The following ADCYAP1R1 variants were observed in gnomAD, a reference collection of about 807,000 sequenced individuals.
ADCYAP1R1 encodes pituitary adenylate cyclase-activating polypeptide type I receptor.
In ADCYAP1R1, 44 loss-of-function variants were observed where a neutral mutation model predicts 67.6. That is an observed-to-expected ratio of 0.65 (90% confidence interval 0.51 to 0.84). ADCYAP1R1 has a LOEUF of 0.84. Among genes scored for constraint, ADCYAP1R1 ranks in the 40% least tolerant of loss-of-function variants. The probability of loss-of-function intolerance (pLI) is 0.00; values close to 1 mark genes in which losing one functional copy is unlikely to be tolerated. For synonymous variants in ADCYAP1R1, 222 were observed against 219.6 expected, an observed-to-expected ratio of 1.01 and a Z score of -0.10; for missense variants, 477 against 587.9, an observed-to-expected ratio of 0.81 and a Z score of 1.95.
rs552840538 is a variant in ADCYAP1R1, at chr7:31,104,775, T to C, written c.1177-93T>C. The C allele has an allele frequency of 8.5e-6, 12 of 1,419,908 alleles. No homozygotes were observed. The South Asian group carries it at 1.2e-4, about 14-fold the overall frequency. The allele number at this position is 1,419,908 out of a possible 1,614,324, so 88.0% of individuals were successfully genotyped here. A position where few individuals can be genotyped will look rare whatever the true frequency, so the allele number is the denominator to read the frequency against. ...GTGCCCCCATCCAGGTCATGGTGTA[T>C]TTCTGCTTCCTAGAGTCATCCCCTC... On this transcript the variant is annotated intron_variant, in intron 14 of 15. Transcript: ENST00000304166.
intron 1 of ADCYAP1R1, among the ~76,000 whole-genome samples, chr7:31,057,781 G>A (rs964077254): frequency 7.9e-5 from 12 of 152,198 alleles, no homozygotes; most frequent in African/African-American, 2.7e-4. Flanking sequence ...AGGAGGGAGA[G>A]GAGGAAGTAG....
At position 31,109,762 on chromosome 7, in the gene ADCYAP1R1, G is replaced by C. The variant is rs1266975827; in HGVS notation, c.*3078G>C. ...GGAGGAAATGGGATTCCAAGTCAAG[G>C]ATGCTGAGGCTGTCAGGGAGCCAGA... On this transcript the variant is annotated 3_prime_UTR_variant, in exon 16 of 16. Transcript: ENST00000304166. 1.3e-5 allele frequency: 2 copies of C among 152,500 alleles called. No homozygotes were observed. Among genetic ancestry groups the C allele is most frequent in the Non-Finnish European group, 2.9e-5 (2 of 68,118 alleles). 9.4% of individuals were successfully genotyped at this position (152,500 alleles called of 1,614,324 possible).
chr7:31,059,155 A>T (rs955975051), intron 1 of ADCYAP1R1, among the ~76,000 whole-genome samples: 10 of 152,120 alleles, frequency 6.6e-5, no homozygotes, highest in Non-Finnish European at 1.2e-4. Flanking sequence ...CAAAGTGGTG[A>T]GATAATAATA....
chr7:31,083,025 C>T (rs1001412271), intron 6 of ADCYAP1R1, among the ~76,000 whole-genome samples: 1 of 152,272 alleles, frequency 6.6e-6, no homozygotes, highest in Non-Finnish European at 1.5e-5. Flanking sequence ...CCTGAGCTCC[C>T]TGGAGGTGGC....
chr7:31,059,853 C>T lies in ADCYAP1R1; in HGVS notation c.-71-3341C>T, dbSNP rs60722464. On this transcript the variant is annotated intron_variant, in intron 1 of 15. Transcript: ENST00000304166. ...GGGAGGTGATCCCTGAGGTCCCCAG[C>T]GGAGTCGAGGCCTGGGAGCTCCCAG... 4.0e-5 allele frequency among the ~76,000 whole-genome samples: 6 copies of T among 150,858 alleles called. No homozygotes were observed. The East Asian group carries it at 7.8e-4, about 20-fold the overall frequency.
chr7:31,086,857 T>A lies in ADCYAP1R1; in HGVS notation c.824-86T>A. 7.2e-7 allele frequency: 1 copy of A among 1,393,828 alleles called. No homozygotes were observed. The highest frequency in any genetic ancestry group is 1.0e-6 in the Non-Finnish European group (1 of 981,232). The allele number at this position is 1,393,828 out of a possible 1,614,324, so 86.3% of individuals were successfully genotyped here. A position where few individuals can be genotyped will look rare whatever the true frequency, so the allele number is the denominator to read the frequency against. The stretch of plus-strand genomic sequence containing the variant: ...AATTCCAAGTCTCATGGGGGAGCAA[T>A]AGCCTCTCGGAGCCCCAGGTCTACG... On this transcript the variant is annotated intron_variant, in intron 10 of 15. Coordinates refer to ENST00000304166, the MANE Select transcript of ADCYAP1R1 (RefSeq NM_001118.5). This position sits in a 1 kb window ranked among gnomAD's most constrained non-coding sequence, Gnocchi z 5.0.
In ADCYAP1R1 at chr7:31,079,000, G is replaced by A. The variant is rs559466987; in HGVS notation, c.265+902G>A. On this transcript the variant is annotated intron_variant, in intron 4 of 15. Coordinates refer to ENST00000304166, the MANE Select transcript of ADCYAP1R1 (RefSeq NM_001118.5). The stretch of plus-strand genomic sequence containing the variant: ...GGAGATATCCAGGGGCCACCAAAAC[G>A]ATAGAGCAGCCCGTGAGTGGGCAGA... Among the ~76,000 whole-genome samples the A allele has an allele frequency of 3.9e-5, 6 of 152,322 alleles. No homozygotes were observed. The East Asian group carries it at 9.6e-4, about 24-fold the overall frequency.
intron 4 of ADCYAP1R1, 143 bp downstream of exon 4, chr7:31,078,241 A>G (rs1795361396): frequency 1.6e-6 from 1 of 612,030 alleles, no homozygotes; most frequent in Non-Finnish European, 2.8e-6. Context: ...GGGGGATGAA[A>G]CCACAGACAC....
At chr7:31,092,605 G>T (rs2128634085) in intron 12 of ADCYAP1R1, 39 bp from the exon 13 acceptor site, 1 of 1,537,464 alleles carries the variant, frequency 6.5e-7, no homozygotes, top group Non-Finnish European at 8.9e-7. Context: ...TCTTTGCCCA[G>T]AATCATGTCC....
In ADCYAP1R1 at chr7:31,085,349, G is replaced by A. The variant is rs1408247589; in HGVS notation, c.576G>A (p.Leu192=). The A allele has an allele frequency of 8.1e-6, 13 of 1,613,956 alleles. No individual in the cohort carries two copies. Among genetic ancestry groups the A allele is most frequent in the African/African-American group, 2.7e-5 (2 of 74,944 alleles). Residue 192 remains leucine (L), a synonymous_variant, in exon 9 of 16, where the codon CTG becomes CTA. Transcript: ENST00000304166. ...HCTRNFIHMN[L]FVSFMLRAIS... ...CACGCAACTTCATCCACATGAACCT[G>A]TTTGTGTCGTTCATGCTGAGGGCGA...
Position 31,052,915 on chromosome 7 carries a change from C to A in ADCYAP1R1, c.-72+237C>A, listed in dbSNP as rs993599366. ...GCGCGTCAGGCTGACACCCCCCAAC[C>A]CAAGTGTCTGGCGCTGCGCTCGGGG... On this transcript the variant is annotated intron_variant, in intron 1 of 15. Coordinates refer to ENST00000304166, the MANE Select transcript of ADCYAP1R1 (RefSeq NM_001118.5). Among the ~76,000 whole-genome samples, 153 of 152,166 alleles carry A rather than the reference C, an allele frequency of 1.0e-3. 4 individuals carry two copies. The highest frequency in any genetic ancestry group is 3.4e-3 in the African/African-American group (140 of 41,526).
chr7:31,081,729 T>G lies in ADCYAP1R1; in HGVS notation c.303T>G (p.Gly101=). 6.3e-7 allele frequency: 1 copy of G among 1,598,040 alleles called. No homozygotes were observed. The highest frequency in any genetic ancestry group is 8.5e-7 in the Non-Finnish European group (1 of 1,172,442). Residue 101 remains glycine, a synonymous_variant, in exon 6 of 16, where the codon GGT becomes GGG. Coordinates refer to ENST00000304166, the MANE Select transcript of ADCYAP1R1 (RefSeq NM_001118.5). Reference sequence around the variant, plus strand: ...ATTTTTCAGGAGAGTCTGATTTTGGTGACAGTAACTCCTTAGATCTCTCAG... The same window carrying G: ...ATTTTTCAGGAGAGTCTGATTTTGGGGACAGTAACTCCTTAGATCTCTCAG... ...ETETIGESDF[G]DSNSLDLSDM...
intron 13 of ADCYAP1R1, 100 bp downstream of exon 13, chr7:31,092,835 G>T: frequency 2.5e-6 from 2 of 796,460 alleles, no homozygotes; most frequent in Non-Finnish European, 4.1e-6. Context: ...CTGATAGGGT[G>T]ACCTAGCATC....
intron 13 of ADCYAP1R1, chr7:31,100,093 C>T (rs1436344045): frequency 6.5e-7 from 1 of 1,545,072 alleles, no homozygotes; most frequent in East Asian, 2.4e-5. Flanking sequence ...TGGTGCCCCC[C>T]AGCTGACAGA....
intron 1 of ADCYAP1R1, among the ~76,000 whole-genome samples, chr7:31,061,152 T>C (rs1794485263): frequency 6.6e-6 from 1 of 152,240 alleles, no homozygotes. Context: ...TTTCACCTTT[T>C]TGGCCTGAGG....
rs201677262 is a variant in ADCYAP1R1 at position 31,103,298 on chromosome 7, G to A, written c.1108G>A (p.Ala370Thr). ...ATTCGGAATCCACTACACAGTATTT[G>A]CCTTCTCCCCAGAGAATGTCAGCAA... ...PLFGIHYTVF[A>T]FSPENVSKRE... The change falls in exon 14 of 16, where the codon GCC becomes ACC. Residue 370 changes from alanine to threonine, a missense_variant. By Grantham distance (58) the Ala-to-Thr change is moderately conservative. Coordinates refer to ENST00000304166, the MANE Select transcript of ADCYAP1R1 (RefSeq NM_001118.5). The A allele has an allele frequency of 3.1e-6, 5 of 1,614,182 alleles. No individual in the cohort carries two copies. Among genetic ancestry groups the A allele is most frequent in the Non-Finnish European group, 4.2e-6 (5 of 1,180,020 alleles).
In ADCYAP1R1 at chr7:31,110,684, A is replaced by C. The variant is rs1245023406; in HGVS notation, c.*4000A>C. 6.5e-6 allele frequency: 1 copy of C among 152,860 alleles called. No homozygotes were observed. Among genetic ancestry groups the C allele is most frequent in the East Asian group, 1.9e-4 (1 of 5,196 alleles). The allele number at this position is 152,860 out of a possible 1,614,324, so 9.5% of individuals were successfully genotyped here. On this transcript the variant is annotated 3_prime_UTR_variant, in exon 16 of 16. Transcript: ENST00000304166. ...CTCTTGCAGGAGAAGCAATGGAGTC[A>C]GTGTGGTGTGGGGAGACCTACTTTT...
At chr7:31,096,186 T>C (rs74892699) in intron 13 of ADCYAP1R1, among the ~76,000 whole-genome samples, 10,045 of 152,134 alleles carry the variant, frequency 0.066, 389 homozygotes, top group Middle Eastern at 0.16. Flanking sequence ...GTGAGCCGGC[T>C]TCATTCTAGG....
At chr7:31,064,717 C>T (rs1035286419) in intron 2 of ADCYAP1R1, 114 bp from the exon 3 acceptor site, 10 of 793,270 alleles carry the variant, frequency 1.3e-5, no homozygotes, top group Middle Eastern at 4.7e-4. Context: ...TGTCACCCTC[C>T]TCTCTGCTTC....
Sources: gnomAD v4.1 joint callset for allele counts (sites outside exome capture counted in the v4.1 genomes callset) on GRCh38, gnomAD v4.1.1 for gene constraint, Gnocchi (gnomAD v3.1) non-coding constraint, MANE v1.5 for transcripts, NCBI Gene and HGNC (gene_info 2026-07-23, HGNC 2026-07-21) for gene names.